The following TSSK6 variants were observed in gnomAD, a reference collection of about 807,000 sequenced individuals.
TSSK6 encodes the protein testis specific serine kinase 6.
TSSK6 carries 9 observed loss-of-function variants against 8.5 expected under a neutral mutation model. The ratio of observed to expected loss-of-function variants is 1.06; its 90% CI spans 0.64 to 1.85. The LOEUF is 1.85. Among genes scored for constraint, TSSK6 ranks in the 40% most tolerant of loss-of-function variants. The pLI, the probability that TSSK6 is intolerant of heterozygous loss-of-function variation, is 0.00. For missense variants in TSSK6, 311 were observed against 391.5 expected (o/e 0.79, Z 1.73); for synonymous variants, 202 against 182.4 (o/e 1.11, Z -0.86).
At position 19,515,389 on chromosome 19, in the gene TSSK6, C is replaced by G; in HGVS notation, c.39G>C (p.Lys13Asn). The change falls in exon 1 of 1, where the codon AAG (lysine) becomes AAC (asparagine). Residue 13 changes from lysine (K) to asparagine (N), a missense_variant. Lys to Asn is a moderately conservative substitution (Grantham distance 94, BLOSUM62 0). Transcript: ENST00000585580. Reference protein sequence around the residue: ...GDKLLSELGYKLGRTIGEGSY... With the variant: ...GDKLLSELGYNLGRTIGEGSY... The stretch of plus-strand genomic sequence containing the variant: ...TGCCCTCTCCAATTGTGCGGCCCAG[C>G]TTATAACCGAGTTCGCTCAGAAGTT... 1.2e-6 allele frequency: 2 copies of G among 1,604,188 alleles called. No homozygotes were observed. The highest frequency in any genetic ancestry group is 1.7e-6 in the Non-Finnish European group (2 of 1,171,838).
chr19:19,515,540 G>A lies in TSSK6; in HGVS notation c.-113C>T. Reference sequence around the variant, plus strand: ...GGCACCTACACCCCCGCACCCCCATGTGCCCACTGCCAGACATTGGCCGCT... The same window carrying A: ...GGCACCTACACCCCCGCACCCCCATATGCCCACTGCCAGACATTGGCCGCT... On this transcript the variant is annotated 5_prime_UTR_variant, in exon 1 of 1. Transcript: ENST00000585580. 1.0e-6 allele frequency: 1 copy of A among 964,758 alleles called. No homozygotes were observed. Among genetic ancestry groups the A allele is most frequent in the East Asian group, 2.5e-5 (1 of 40,176 alleles). 59.8% of individuals were successfully genotyped at this position (964,758 alleles called of 1,614,324 possible).
chr19:19,514,621 G>T lies in TSSK6; in HGVS notation c.807C>A (p.Ala269=). 1 of 1,585,756 alleles carries T rather than the reference G, an allele frequency of 6.3e-7. No individual in the cohort carries two copies. Among genetic ancestry groups the T allele is most frequent in the Non-Finnish European group, 8.5e-7 (1 of 1,171,452 alleles). Residue 269 remains alanine, a synonymous_variant, in exon 1 of 1, where the codon GCC becomes GCA. Coordinates refer to ENST00000585580, the MANE Select transcript of TSSK6 (RefSeq NM_032037.4). ...GQVARNCWLR[A]GDSG Reference sequence around the variant, plus strand: ...CACCCGGCTTCTAGCCGGAGTCCCCGGCGCGCAGCCAGCAGTTGCGCGCTA... The same window carrying T: ...CACCCGGCTTCTAGCCGGAGTCCCCTGCGCGCAGCCAGCAGTTGCGCGCTA...
In TSSK6 at chr19:19,515,122, C is replaced by G. The variant is rs1300074323; in HGVS notation, c.306G>C (p.Gln102His). The G allele has an allele frequency of 1.2e-6, 2 of 1,605,728 alleles. No individual in the cohort carries two copies. Among genetic ancestry groups the G allele is most frequent in the Non-Finnish European group, 1.7e-6 (2 of 1,179,072 alleles). ...AAATDLLQAVQRNGRIPGVQA... is the reference protein window; with the variant it reads ...AAATDLLQAVHRNGRIPGVQA... ...GAACTCCGGGGATGCGCCCGTTGCGCTGCACGGCTTGCAGCAGGTCGGTGG... is the reference window on the plus strand; with the variant it reads ...GAACTCCGGGGATGCGCCCGTTGCGGTGCACGGCTTGCAGCAGGTCGGTGG... The change falls in exon 1 of 1, where the codon CAG becomes CAC. Residue 102 changes from glutamine to histidine, a missense_variant. By Grantham distance (24) the Gln-to-His change is conservative. Coordinates refer to ENST00000585580, the MANE Select transcript of TSSK6 (RefSeq NM_032037.4).
rs2061034132 is a variant in TSSK6 at position 19,514,289 on chromosome 19, G to A, written c.*317C>T. 1 of 345,126 alleles carries A rather than the reference G, an allele frequency of 2.9e-6. No individual in the cohort carries two copies. Among genetic ancestry groups the A allele is most frequent in the Non-Finnish European group, 5.3e-6 (1 of 188,958 alleles). 21.4% of individuals were successfully genotyped at this position (345,126 alleles called of 1,614,324 possible). ...CACCCACGGCTGGTTGGGAAGGGACGCCCTCCGCGCAGAGGCTGAGAGTTC... is the reference window on the plus strand; with the variant it reads ...CACCCACGGCTGGTTGGGAAGGGACACCCTCCGCGCAGAGGCTGAGAGTTC... On this transcript the variant is annotated 3_prime_UTR_variant, in exon 1 of 1. Transcript: ENST00000585580.
Position 19,515,409 on chromosome 19 carries a change from G to T in TSSK6, c.19C>A (p.Leu7Met), listed in dbSNP as rs2061042226. ...CCCAGCTTATAACCGAGTTCGCTCA[G>T]AAGTTTGTCTCCCGACATGGTGGCG... MSGDKL[L>M]SELGYKLGRT... The change falls in exon 1 of 1, where the codon CTG becomes ATG. Residue 7 changes from leucine to methionine, a missense_variant. Leu to Met is a conservative substitution (Grantham distance 15). Coordinates refer to ENST00000585580, the MANE Select transcript of TSSK6 (RefSeq NM_032037.4). 1 of 1,597,128 alleles carries T rather than the reference G, an allele frequency of 6.3e-7. No homozygotes were observed. Among genetic ancestry groups the T allele is most frequent in the African/African-American group, 1.3e-5 (1 of 74,722 alleles).
chr19:19,515,379 T>G lies in TSSK6; in HGVS notation c.49A>C (p.Thr17Pro), dbSNP rs1175875772. The change falls in exon 1 of 1, where the codon ACA (threonine) becomes CCA (proline). Residue 17 changes from threonine (T) to proline (P), a missense_variant. Coordinates refer to ENST00000585580, the MANE Select transcript of TSSK6 (RefSeq NM_032037.4). The stretch of plus-strand genomic sequence containing the variant: ...TTGGAGTAGCTGCCCTCTCCAATTG[T>G]GCGGCCCAGCTTATAACCGAGTTCG... ...LSELGYKLGR[T>P]IGEGSYSKVK... 1 of 1,611,268 alleles carries G rather than the reference T, an allele frequency of 6.2e-7. No homozygotes were observed. The highest frequency in any genetic ancestry group is 2.2e-5 in the East Asian group (1 of 44,780).
In TSSK6 at chr19:19,514,713, G is replaced by T. The variant is rs779398989; in HGVS notation, c.715C>A (p.Arg239Ser). 2 of 1,601,784 alleles carry T rather than the reference G, an allele frequency of 1.2e-6. No homozygotes were observed. Among genetic ancestry groups the T allele is most frequent in the Non-Finnish European group, 1.7e-6 (2 of 1,179,586 alleles). The change falls in exon 1 of 1, where the codon CGC becomes AGC. Residue 239 changes from arginine to serine, a missense_variant. Physicochemically the swap from Arg to Ser is moderately radical, Grantham distance 110. Coordinates refer to ENST00000585580, the MANE Select transcript of TSSK6 (RefSeq NM_032037.4). Reference sequence around the variant, plus strand: ...AGCTCGGCGATCAGGGCCTTGCAGCGCTCGGACAGCTCGAGGCCTTCGGGA... The same window carrying T: ...AGCTCGGCGATCAGGGCCTTGCAGCTCTCGGACAGCTCGAGGCCTTCGGGA... ...LYPEGLELSERCKALIAELLQ... is the reference protein window; with the variant it reads ...LYPEGLELSESCKALIAELLQ...
At position 19,514,600 on chromosome 19, in the gene TSSK6, C is replaced by T. The variant is rs1321095863; in HGVS notation, c.*6G>A. 4 of 1,561,176 alleles carry T rather than the reference C, an allele frequency of 2.6e-6. No individual in the cohort carries two copies. Among genetic ancestry groups the T allele is most frequent in the East Asian group, 2.3e-5 (1 of 43,298 alleles). On this transcript the variant is annotated 3_prime_UTR_variant, in exon 1 of 1. Transcript: ENST00000585580. The stretch of plus-strand genomic sequence containing the variant: ...GGCTGCAGGAATGGCTGGAACCACC[C>T]GGCTTCTAGCCGGAGTCCCCGGCGC...
rs141461512 is a variant in TSSK6 at position 19,514,480 on chromosome 19, A to G, written c.*126T>C. The G allele has an allele frequency of 1.6e-4, 149 of 919,296 alleles. 1 individual carries two copies. The East Asian group carries it at 3.7e-3, about 23-fold the overall frequency. The allele number at this position is 919,296 out of a possible 1,614,324, so 56.9% of individuals were successfully genotyped here. A position where few individuals can be genotyped will look rare whatever the true frequency, so the allele number is the denominator to read the frequency against. ...CGTGGGAAGAAAGGGAGGGAAGCGG[A>G]AGGGAAAAAGCGCATGTGCAGCAGC... On this transcript the variant is annotated 3_prime_UTR_variant, in exon 1 of 1. Coordinates refer to ENST00000585580, the MANE Select transcript of TSSK6 (RefSeq NM_032037.4).
chr19:19,514,459 G>A lies in TSSK6; in HGVS notation c.*147C>T. ...AAGGGCAACTGCGGACTCCCCCGTG[G>A]GAAGAAAGGGAGGGAAGCGGAAGGG... On this transcript the variant is annotated 3_prime_UTR_variant, in exon 1 of 1. Transcript: ENST00000585580. The A allele has an allele frequency of 1.3e-6, 1 of 799,360 alleles. No individual in the cohort carries two copies. 49.5% of individuals were successfully genotyped at this position (799,360 alleles called of 1,614,324 possible).
rs140709572 is a variant in TSSK6 at position 19,515,302 on chromosome 19, C to T, written c.126G>A (p.Val42=). 1.2e-6 allele frequency: 2 copies of T among 1,614,038 alleles called. No individual in the cohort carries two copies. Among genetic ancestry groups the T allele is most frequent in the African/African-American group, 1.3e-5 (1 of 74,958 alleles). Reference sequence around the variant, plus strand: ...CCGGGGGCGCTCGCCGCCGGTCCACCACCTTGATGGCCACGGTACCCTTGT... The same window carrying T: ...CCGGGGGCGCTCGCCGCCGGTCCACTACCTTGATGGCCACGGTACCCTTGT... ...KKYKGTVAIK[V]VDRRRAPPDF... is the part of the protein sequence containing the mutation. The change falls in exon 1 of 1, where the codon GTG becomes GTA. Residue 42 remains valine (V), a synonymous_variant. Transcript: ENST00000585580.
Position 19,514,276 on chromosome 19 carries a change from G to C in TSSK6, c.*330C>G, listed in dbSNP as rs1417265176. 3.0e-6 allele frequency: 1 copy of C among 328,312 alleles called. No individual in the cohort carries two copies. The highest frequency in any genetic ancestry group is 5.0e-5 in the East Asian group (1 of 20,016). The allele number at this position is 328,312 out of a possible 1,614,324, so 20.3% of individuals were successfully genotyped here. On this transcript the variant is annotated 3_prime_UTR_variant, in exon 1 of 1. Transcript: ENST00000585580. ...ACCGGGAACCTGGCACCCACGGCTG[G>C]TTGGGAAGGGACGCCCTCCGCGCAG...
rs73532145 is a variant in TSSK6 at position 19,514,463 on chromosome 19, G to A, written c.*143C>T. Reference sequence around the variant, plus strand: ...GCAACTGCGGACTCCCCCGTGGGAAGAAAGGGAGGGAAGCGGAAGGGAAAA... The same window carrying A: ...GCAACTGCGGACTCCCCCGTGGGAAAAAAGGGAGGGAAGCGGAAGGGAAAA... On this transcript the variant is annotated 3_prime_UTR_variant, in exon 1 of 1. Coordinates refer to ENST00000585580, the MANE Select transcript of TSSK6 (RefSeq NM_032037.4). 2.2e-3 allele frequency: 1,761 copies of A among 818,398 alleles called. 23 individuals carry two copies. In the African/African-American group the frequency reaches 0.025, roughly 12 times the overall value. The allele number at this position is 818,398 out of a possible 1,614,324, so 50.7% of individuals were successfully genotyped here.
In TSSK6 at chr19:19,515,455, G is replaced by A. The variant is rs1287170514; in HGVS notation, c.-28C>T. Reference sequence around the variant, plus strand: ...TGGCGCCTAGGGCGCACGGGGGGCAGGAGGCGGCTGCTGTCGGGGGGCGGC... The same window carrying A: ...TGGCGCCTAGGGCGCACGGGGGGCAAGAGGCGGCTGCTGTCGGGGGGCGGC... On this transcript the variant is annotated 5_prime_UTR_variant, in exon 1 of 1. Transcript: ENST00000585580. 4.5e-6 allele frequency: 7 copies of A among 1,563,172 alleles called. No individual in the cohort carries two copies. Among genetic ancestry groups the A allele is most frequent in the Non-Finnish European group, 6.1e-6 (7 of 1,150,366 alleles).
chr19:19,514,704 C>T lies in TSSK6; in HGVS notation c.724G>A (p.Ala242Thr), dbSNP rs753450509. ...EGLELSERCK[A>T]LIAELLQFSP... ...AACTGCAGCAGCTCGGCGATCAGGG[C>T]CTTGCAGCGCTCGGACAGCTCGAGG... Residue 242 changes from alanine (A) to threonine (T), a missense_variant, in exon 1 of 1, where the codon GCC becomes ACC. Coordinates refer to ENST00000585580, the MANE Select transcript of TSSK6 (RefSeq NM_032037.4). 1.0e-5 allele frequency: 16 copies of T among 1,601,454 alleles called. No homozygotes were observed. The East Asian group carries it at 2.9e-4, about 29-fold the overall frequency.
rs367753034 is a variant in TSSK6, at chr19:19,514,922, G to T, written c.506C>A (p.Thr169Asn). 3.6e-5 allele frequency: 57 copies of T among 1,603,938 alleles called. 1 individual carries two copies. The South Asian group carries it at 4.2e-4, about 12-fold the overall frequency. The change falls in exon 1 of 1, where the codon ACC becomes AAC. Residue 169 changes from threonine to asparagine, a missense_variant. Coordinates refer to ENST00000585580, the MANE Select transcript of TSSK6 (RefSeq NM_032037.4). The stretch of plus-strand genomic sequence containing the variant: ...GTAGGCGGCTGAGCCGCAGTAGGTG[G>T]TGCTCAGGTCTGGGTAGCCATGGGC... ...RQAHGYPDLS[T>N]TYCGSAAYAS...
In TSSK6 at chr19:19,514,673, G is replaced by T. The variant is rs1163248358; in HGVS notation, c.755C>A (p.Pro252Gln). 6.3e-7 allele frequency: 1 copy of T among 1,599,850 alleles called. No homozygotes were observed. The highest frequency in any genetic ancestry group is 8.5e-7 in the Non-Finnish European group (1 of 1,179,052). Residue 252 changes from proline (P) to glutamine (Q), a missense_variant, in exon 1 of 1, where the codon CCG becomes CAG. Transcript: ENST00000585580. The part of the protein sequence containing the change: ...ALIAELLQFS[P>Q]SARPSAGQVA... ...CTGGCCCGCGGAGGGCCTGGCGGAC[G>T]GGCTGAACTGCAGCAGCTCGGCGAT...
chr19:19,514,713 G>A lies in TSSK6; in HGVS notation c.715C>T (p.Arg239Cys), dbSNP rs779398989. Residue 239 changes from arginine to cysteine, a missense_variant, in exon 1 of 1, where the codon CGC (arginine) becomes TGC (cysteine). Physicochemically the swap from Arg to Cys is radical, Grantham distance 180 (BLOSUM62 -3). Coordinates refer to ENST00000585580, the MANE Select transcript of TSSK6 (RefSeq NM_032037.4). ...AGCTCGGCGATCAGGGCCTTGCAGC[G>A]CTCGGACAGCTCGAGGCCTTCGGGA... is the stretch of plus-strand genomic sequence containing the variant. Reference protein sequence around the residue: ...LYPEGLELSERCKALIAELLQ... With the variant: ...LYPEGLELSECCKALIAELLQ... The A allele has an allele frequency of 1.1e-5, 17 of 1,601,902 alleles. No individual in the cohort carries two copies. The highest frequency in any genetic ancestry group is 1.4e-5 in the Non-Finnish European group (16 of 1,179,578).
chr19:19,515,113 C>A lies in TSSK6; in HGVS notation c.315G>T (p.Gly105=). Residue 105 remains glycine, a synonymous_variant, in exon 1 of 1, where the codon GGG becomes GGT. Transcript: ENST00000585580. ...CGCGCGCCTGAACTCCGGGGATGCG[C>A]CCGTTGCGCTGCACGGCTTGCAGCA... is the stretch of plus-strand genomic sequence containing the variant. ...TDLLQAVQRN[G]RIPGVQARDL... is the part of the protein sequence containing the mutation. 1 of 1,605,198 alleles carries A rather than the reference C, an allele frequency of 6.2e-7. No homozygotes were observed. Among genetic ancestry groups the A allele is most frequent in the Non-Finnish European group, 8.5e-7 (1 of 1,178,404 alleles).
Sources: allele counts gnomAD v4.1 joint callset, GRCh38; gene constraint gnomAD v4.1.1; transcripts MANE v1.5; gene names NCBI Gene and HGNC (gene_info 2026-07-23, HGNC 2026-07-21).